Variants in DLG2 observed in about 807,000 individuals in gnomAD.
The protein encoded by DLG2 is discs large MAGUK scaffold protein 2.
DLG2 carries 45 observed loss-of-function variants against 132.5 expected under a neutral mutation model. The ratio of observed to expected loss-of-function variants is 0.34; its 90% confidence interval spans 0.27 to 0.44. The LOEUF (loss-of-function observed/expected upper bound fraction) is 0.44, where lower values mean the gene tolerates loss of function less well. Among genes scored for constraint, DLG2 ranks in the 20% least tolerant of loss-of-function variants. The pLI is 1.00. For missense variants in DLG2, 1,045 were observed against 1,196.9 expected (o/e 0.87, Z 1.87); for synonymous variants, 424 against 419.6 (o/e 1.01, Z -0.13).
intron 18 of DLG2, among the ~76,000 whole-genome samples, chr11:83,720,294 GAAAAAAAA>G (rs10573464): frequency 8.1e-3 from 221 of 27,270 alleles, no homozygotes; most frequent in East Asian, 0.068. Context: ...CTCCATCTCA[GAAAAAAAA>G]AAAAAAAAAA....
At chr11:85,267,584 C>T (rs758244092) in intron 4 of DLG2, among the ~76,000 whole-genome samples, 1 of 151,932 alleles carries the variant, frequency 6.6e-6, no homozygotes, top group Non-Finnish European at 1.5e-5. Context: ...CACAGTAACA[C>T]CAAAACCAAC....
chr11:84,139,760 A>G (rs886672135), intron 9 of DLG2, among the ~76,000 whole-genome samples: 13 of 152,146 alleles, frequency 8.5e-5, no homozygotes, highest in Non-Finnish European at 1.6e-4. Flanking sequence ...ACTTTGCTGT[A>G]TTTGTAAAAA....
intron 3 of DLG2, among the ~76,000 whole-genome samples, chr11:85,539,488 G>A (rs986733516): frequency 5.9e-5 from 9 of 152,154 alleles, no homozygotes; most frequent in Admixed American, 3.9e-4. Flanking sequence ...TAGTTTCCAG[G>A]TACTAAGGAG....
At chr11:84,510,244 ATGAGTAACTATGTGCCAGTTAC>A (rs1333896497) in intron 7 of DLG2, among the ~76,000 whole-genome samples, 6 of 151,964 alleles carry the variant, frequency 3.9e-5, no homozygotes, top group African/African-American at 1.4e-4. Flanking sequence ...ATAACATTTG[ATGAGTAACTATGTGCCAGTTAC>A]TGAGCTAGAT....
chr11:85,370,788 G>A (rs1422864313), intron 3 of DLG2, among the ~76,000 whole-genome samples: 1 of 152,122 alleles, frequency 6.6e-6, no homozygotes, highest in African/African-American at 2.4e-5. Flanking sequence ...AGGTAAACAG[G>A]ATTATTTGAC....
intron 14 of DLG2, among the ~76,000 whole-genome samples, chr11:83,952,308 C>G (rs981667867): frequency 6.6e-6 from 1 of 151,984 alleles, no homozygotes; most frequent in Non-Finnish European, 1.5e-5. Flanking sequence ...GATCGAGCCA[C>G]TGAACTCCAC....
At chr11:85,270,909 G>A (rs192665048) in intron 4 of DLG2, among the ~76,000 whole-genome samples, 1 of 152,146 alleles carries the variant, frequency 6.6e-6, no homozygotes, top group Admixed American at 6.5e-5. Flanking sequence ...AGCAGAGTAT[G>A]AAAGTTTGGA....
At chr11:84,031,385 T>C (rs2095686646) in intron 11 of DLG2, among the ~76,000 whole-genome samples, 1 of 152,174 alleles carries the variant, frequency 6.6e-6, no homozygotes, top group Non-Finnish European at 1.5e-5. Flanking sequence ...ATAGTTTTTA[T>C]TTTGCATTTG....
intron 6 of DLG2, among the ~76,000 whole-genome samples, chr11:84,558,716 C>T (rs549758882): frequency 6.6e-6 from 1 of 152,182 alleles, no homozygotes; most frequent in Non-Finnish European, 1.5e-5. Context: ...CATTCCAGCT[C>T]TCAGGGCATA....
intron 8 of DLG2, 120 bp from the exon 9 acceptor site, chr11:84,163,631 C>A (rs879115173): frequency 1.3e-6 from 1 of 748,440 alleles, no homozygotes; most frequent in South Asian, 1.7e-5. Flanking sequence ...ACCACATTTT[C>A]TTGATATTTC....
chr11:83,898,660 T>C (rs2072505108), intron 15 of DLG2, among the ~76,000 whole-genome samples: 1 of 152,136 alleles, frequency 6.6e-6, no homozygotes, highest in South Asian at 2.1e-4. Flanking sequence ...CAACTTAACA[T>C]TTATCTGATA....
chr11:84,170,761 T>A (rs1006661692), intron 8 of DLG2, among the ~76,000 whole-genome samples: 1 of 152,186 alleles, frequency 6.6e-6, no homozygotes, highest in East Asian at 1.9e-4. Flanking sequence ...CTAGGTAACC[T>A]TGGGCTTGTC....
chr11:84,119,979 A>T (rs1414856212), intron 9 of DLG2, among the ~76,000 whole-genome samples: 1 of 152,202 alleles, frequency 6.6e-6, no homozygotes, highest in African/African-American at 2.4e-5. Flanking sequence ...ACTTTGCATT[A>T]ACTGATTATT....
At chr11:84,383,783 T>A (rs891916791) in intron 7 of DLG2, among the ~76,000 whole-genome samples, 16 of 152,222 alleles carry the variant, frequency 1.1e-4, no homozygotes, top group African/African-American at 3.9e-4. Context: ...AGCCCTGGAT[T>A]CCAGCCAGTG....
Position 84,553,797 on chromosome 11 carries a change from T to C in DLG2, c.358-19066A>G, listed in dbSNP as rs565666965. ...TGTGGACCATTCACATGTTACAATATAGATAAGTTTGATAATTTCTTCTTA... is the reference window on the plus strand; with the variant it reads ...TGTGGACCATTCACATGTTACAATACAGATAAGTTTGATAATTTCTTCTTA... On this transcript the variant is annotated intron_variant, in intron 6 of 27. Transcript: ENST00000376104. 5.6e-4 allele frequency among the ~76,000 whole-genome samples: 85 copies of C among 152,344 alleles called. 1 individual carries two copies. The highest frequency in any genetic ancestry group is 2.0e-3 in the African/African-American group (82 of 41,578).
chr11:84,691,144 T>C (rs1326017768), intron 6 of DLG2, among the ~76,000 whole-genome samples: 1 of 151,878 alleles, frequency 6.6e-6, no homozygotes, highest in Non-Finnish European at 1.5e-5. Flanking sequence ...TTTTAAGGTC[T>C]CCATGATATT....
rs58106623 is a variant in DLG2 at position 85,547,319 on chromosome 11, C to T, written c.40+51338G>A. On this transcript the variant is annotated intron_variant, in intron 3 of 27. Transcript: ENST00000376104. ...TTTATGAGTGTTGAATATCAGCCCC[C>T]ACTCTCTTTTGGCTTGTAGGGTTTC... Among the ~76,000 whole-genome samples the T allele has an allele frequency of 8.0e-3, 1,219 of 152,274 alleles. 17 individuals carry two copies. Among genetic ancestry groups the T allele is most frequent in the African/African-American group, 0.029 (1,186 of 41,558 alleles).
intron 19 of DLG2, among the ~76,000 whole-genome samples, chr11:83,608,458 TG>T (rs1434199386): frequency 2.6e-5 from 4 of 152,182 alleles, no homozygotes; most frequent in Non-Finnish European, 5.9e-5. Context: ...CAAAAAGTTT[TG>T]GATTTTGGAA....
intron 3 of DLG2, among the ~76,000 whole-genome samples, chr11:85,515,839 T>C (rs1053030608): frequency 6.6e-6 from 1 of 152,022 alleles, no homozygotes; most frequent in Non-Finnish European, 1.5e-5. Context: ...TGGTTTGTGA[T>C]GAGTAAAAGC....
Sources: gnomAD v4.1 joint callset for allele counts (sites outside exome capture counted in the v4.1 genomes callset) on GRCh38, gnomAD v4.1.1 for gene constraint, MANE v1.5 for transcripts, NCBI Gene and HGNC (gene_info 2026-07-23, HGNC 2026-07-21) for gene names.